MYBPC1: variants seen among roughly 807,000 people sequenced by gnomAD.
The protein encoded by MYBPC1 is myosin-binding protein C, slow-type.
In MYBPC1, 52 loss-of-function variants were observed where a neutral mutation model predicts 147.1. The ratio of observed to expected loss-of-function variants is 0.35; its 90% confidence interval spans 0.28 to 0.45. The LOEUF (loss-of-function observed/expected upper bound fraction) is 0.45. Among genes scored for constraint, MYBPC1 ranks in the 20% least tolerant of loss-of-function variants. MYBPC1 has a pLI of 1.00. For missense variants in MYBPC1, 1,228 were observed against 1,440.3 expected (o/e 0.85, Z 2.39); for synonymous variants, 477 against 475.9 (o/e 1.00, Z -0.03).
intron 11 of MYBPC1, among the ~76,000 whole-genome samples, chr12:101,643,740 C>CT (rs887495068): frequency 1.5e-4 from 23 of 151,174 alleles, no homozygotes; most frequent in Non-Finnish European, 3.1e-4. Flanking sequence ...TCAAAGACAA[C>CT]TTTTTTTTTA....
At chr12:101,647,988 C>T in intron 13 of MYBPC1, 57 bp from the exon 14 acceptor site, 1 of 1,384,586 alleles carries the variant, frequency 7.2e-7, no homozygotes, top group South Asian at 1.2e-5. Flanking sequence ...GAAATCAGGG[C>T]TCATGGGATA....
intron 14 of MYBPC1, 62 bp from the exon 15 acceptor site, chr12:101,649,198 G>C: frequency 6.9e-7 from 1 of 1,448,878 alleles, no homozygotes; most frequent in Non-Finnish European, 9.6e-7. Context: ...TAAGCAAGAT[G>C]GACAAGGTAT....
intron 1 of MYBPC1, among the ~76,000 whole-genome samples, chr12:101,599,791 AGTT>A (rs1879093518): frequency 6.6e-6 from 1 of 152,210 alleles, no homozygotes; most frequent in African/African-American, 2.4e-5. Flanking sequence ...AAAATAAAGA[AGTT>A]GTATGAACGA....
chr12:101,662,827 G>C (rs945408603), intron 21 of MYBPC1, among the ~76,000 whole-genome samples: 4 of 152,150 alleles, frequency 2.6e-5, no homozygotes, highest in African/African-American at 4.8e-5. Flanking sequence ...ATATTGCTGA[G>C]TCCATGGACA....
At chr12:101,655,805 A>C (rs1895446313) in intron 18 of MYBPC1, among the ~76,000 whole-genome samples, 1 of 152,202 alleles carries the variant, frequency 6.6e-6, no homozygotes, top group Admixed American at 6.5e-5. Flanking sequence ...CAGAAAAAGG[A>C]AAATAATATA....
rs2136319155 is a variant in MYBPC1 at position 101,653,154 on chromosome 12, A to G, written c.1673A>G (p.Asn558Ser). ...ATCCTGGATGGTCTTGATGCTGACA[A>G]CACAGTGACAGTGATTGCAGGAAAC... ...KIILDGLDAD[N>S]TVTVIAGNKL... The change falls in exon 18 of 32, where the codon AAC (asparagine) becomes AGC (serine). Residue 558 changes from asparagine to serine, a missense_variant. Asn to Ser is a conservative substitution (Grantham distance 46). Around this residue, in one of 2 missense-constraint regions of MYBPC1, gnomAD observed 1,077 missense variants for 1,314.2 expected, o/e 0.82. Coordinates refer to ENST00000361466, the MANE Select transcript of MYBPC1 (RefSeq NM_002465.4). The G allele has an allele frequency of 6.2e-7, 1 of 1,614,126 alleles. No homozygotes were observed. Among genetic ancestry groups the G allele is most frequent in the South Asian group, 1.1e-5 (1 of 91,078 alleles).
Position 101,678,134 on chromosome 12 carries a change from T to A in MYBPC1, c.3142T>A (p.Phe1048Ile). Reference protein sequence around the residue: ...KIYKNPVYEDFDFSEAPMFTQ... With the variant: ...KIYKNPVYEDIDFSEAPMFTQ... Reference sequence around the variant, plus strand: ...CTACAAAAATCCAGTGTATGAAGACTTTGATTTCTCAGAGGCACCCATGTT... The same window carrying A: ...CTACAAAAATCCAGTGTATGAAGACATTGATTTCTCAGAGGCACCCATGTT... Residue 1048 changes from phenylalanine (F) to isoleucine (I), a missense_variant, in exon 28 of 32, where the codon TTT becomes ATT. Physicochemically the swap from Phe to Ile is conservative, Grantham distance 21. Around this residue, in one of 2 missense-constraint regions of MYBPC1, gnomAD observed 1,077 missense variants for 1,314.2 expected, o/e 0.82. Transcript: ENST00000361466. 1 of 1,614,018 alleles carries A rather than the reference T, an allele frequency of 6.2e-7. No homozygotes were observed. The highest frequency in any genetic ancestry group is 8.5e-7 in the Non-Finnish European group (1 of 1,179,834).
At position 101,678,359 on chromosome 12, in the gene MYBPC1, A is replaced by AAGGTGGTAGTGGTGGTAGATTAT; in HGVS notation, c.3246+122_3246+144dup. The stretch of plus-strand genomic sequence containing the variant: ...GTGTCTTCCCAGGATGGGGGATTAG[A>AAGGTGGTAGTGGTGGTAGATTAT]AGGTGGTAGTGGTGGTAGATTATTA... On this transcript the variant is annotated intron_variant, in intron 28 of 31. Transcript: ENST00000361466. The AAGGTGGTAGTGGTGGTAGATTAT allele has an allele frequency of 2.1e-6, 3 of 1,404,286 alleles. No individual in the cohort carries two copies. The South Asian group carries it at 3.5e-5, about 16-fold the overall frequency. The allele number at this position is 1,404,286 out of a possible 1,614,324, so 87.0% of individuals were successfully genotyped here.
intron 18 of MYBPC1, among the ~76,000 whole-genome samples, chr12:101,658,565 G>A (rs778032152): frequency 1.3e-5 from 2 of 152,092 alleles, no homozygotes; most frequent in Admixed American, 1.3e-4. Flanking sequence ...GAAAAAAAGG[G>A]TATACAAATT....
chr12:101,661,628 C>T (rs1178780088), intron 20 of MYBPC1, among the ~76,000 whole-genome samples: 3 of 152,016 alleles, frequency 2.0e-5, no homozygotes, highest in African/African-American at 7.3e-5. Context: ...GTGGCTCATA[C>T]CTGTAATCCC....
chr12:101,602,868 G>C (rs1449577824), intron 1 of MYBPC1, among the ~76,000 whole-genome samples: 2 of 152,172 alleles, frequency 1.3e-5, no homozygotes. Flanking sequence ...TTACTGAAAT[G>C]AGCCATGTCC....
At chr12:101,649,566 G>A (rs1450695195) in intron 15 of MYBPC1, 140 bp downstream of exon 15, 2 of 982,226 alleles carry the variant, frequency 2.0e-6, no homozygotes, top group Non-Finnish European at 3.1e-6. Context: ...CCAGCTAAGT[G>A]TCTATGTCAG....
chr12:101,644,904 A>G, intron 12 of MYBPC1, 108 bp downstream of exon 12: 2 of 1,106,944 alleles, frequency 1.8e-6, no homozygotes, highest in Non-Finnish European at 1.3e-6. Flanking sequence ...TCATAATACA[A>G]AATCATATGG....
At chr12:101,692,218 T>G in the MYBPC1 span, among the ~76,000 whole-genome samples, 7 of 152,240 alleles carry the variant, frequency 4.6e-5, no homozygotes, top group Admixed American at 4.6e-4. Context: ...GTGAGGGAAG[T>G]TGGACTTTAT....
In MYBPC1 at chr12:101,659,685, G is replaced by A; in HGVS notation, c.1781G>A (p.Gly594Asp). Residue 594 changes from glycine (G) to aspartate (D), a missense_variant, in exon 19 of 32, where the codon GGC becomes GAC. Around this residue, in one of 2 missense-constraint regions of MYBPC1, gnomAD observed 1,077 missense variants for 1,314.2 expected, o/e 0.82. Transcript: ENST00000361466. ...WSRGDKAIME[G>D]SGRIRTESYP... ...TCCACTTCTTAGGCTATTATGGAAG[G>A]CAGTGGCCGGATAAGAACAGAATCT... The A allele has an allele frequency of 6.2e-7, 1 of 1,614,064 alleles. No homozygotes were observed. The highest frequency in any genetic ancestry group is 1.3e-5 in the African/African-American group (1 of 75,018).
At chr12:101,617,894 GA>G (rs968580282) in intron 3 of MYBPC1, among the ~76,000 whole-genome samples, 1 of 152,038 alleles carries the variant, frequency 6.6e-6, no homozygotes, top group African/African-American at 2.4e-5. Flanking sequence ...TCTCACCATG[GA>G]AGAAATGATT....
At chr12:101,634,440 C>A in intron 8 of MYBPC1, 114 bp from the exon 9 acceptor site, 1 of 843,952 alleles carries the variant, frequency 1.2e-6, no homozygotes, top group Non-Finnish European at 2.0e-6. Context: ...AGAAAAGCCT[C>A]CCCCCTTCAC....
chr12:101,615,679 CCA>C (rs1885801209), intron 2 of MYBPC1, among the ~76,000 whole-genome samples: 2 of 117,856 alleles, frequency 1.7e-5, no homozygotes, highest in African/African-American at 6.1e-5. Flanking sequence ...CCCCGCCCCC[CCA>C]CACCAAGCAG....
intron 23 of MYBPC1, among the ~76,000 whole-genome samples, chr12:101,668,140 C>T (rs1897841671): frequency 6.6e-6 from 1 of 152,148 alleles, no homozygotes; most frequent in Non-Finnish European, 1.5e-5. Context: ...CTCCTGGTTC[C>T]AGGAGCCAAC....
Sources: gnomAD v4.1 joint callset for allele counts (sites outside exome capture counted in the v4.1 genomes callset) on GRCh38, gnomAD v4.1.1 for gene constraint, gnomAD v4.1.1 regional missense constraint, MANE v1.5 for transcripts, NCBI Gene and HGNC (gene_info 2026-07-23, HGNC 2026-07-21) for gene names.